Variants in EXOC4 observed in about 807,000 individuals in gnomAD.
The protein encoded by EXOC4 is exocyst complex component 4, also known as SEC8-like 1.
Under a neutral mutation model 107.2 loss-of-function variants are expected in EXOC4, and 71 were observed. That is an observed-to-expected ratio of 0.66 (90% CI 0.55 to 0.81). The LOEUF is 0.81. Among genes scored for constraint, EXOC4 ranks in the 30% least tolerant of loss-of-function variants. The pLI, the probability that EXOC4 is intolerant of heterozygous loss-of-function variation, is 0.00. For synonymous variants in EXOC4, 456 were observed against 441.2 expected, an observed-to-expected ratio of 1.03 and a Z score of -0.42; for missense variants, 1,108 against 1,189.6, an observed-to-expected ratio of 0.93 and a Z score of 1.01.
chr7:134,098,804 G>A, the EXOC4 span, among the ~76,000 whole-genome samples: 2 of 152,184 alleles, frequency 1.3e-5, no homozygotes, highest in South Asian at 4.1e-4. Context: ...ATGGGTGTGA[G>A]AAAGAGAAAA....
At chr7:133,344,846 C>T (rs1795749267) in intron 5 of EXOC4, among the ~76,000 whole-genome samples, 1 of 152,092 alleles carries the variant, frequency 6.6e-6, no homozygotes, top group South Asian at 2.1e-4. Context: ...CACATTCTAC[C>T]TTTGTTTGCA....
intron 6 of EXOC4, 128 bp from the exon 7 acceptor site, chr7:133,374,700 A>T: frequency 1.4e-6 from 1 of 710,636 alleles, no homozygotes; most frequent in Non-Finnish European, 2.2e-6. Flanking sequence ...CATCTGCTGA[A>T]ATCTAACGTT....
intron 5 of EXOC4, among the ~76,000 whole-genome samples, chr7:133,354,669 C>T (rs1374029857): frequency 1.3e-5 from 2 of 152,104 alleles, no homozygotes; most frequent in Admixed American, 6.6e-5. Flanking sequence ...AAGCAATCAG[C>T]GATCAGAGCA....
intron 10 of EXOC4, among the ~76,000 whole-genome samples, chr7:133,740,874 C>T (rs1795550200): frequency 6.6e-6 from 1 of 152,110 alleles, no homozygotes; most frequent in South Asian, 2.1e-4. Flanking sequence ...TTAACATCCT[C>T]ACATTAGAAT....
chr7:133,909,348 A>T (rs1456671045), intron 12 of EXOC4, among the ~76,000 whole-genome samples: 2 of 152,214 alleles, frequency 1.3e-5, no homozygotes, highest in African/African-American at 4.8e-5. Context: ...ATTAATAAGG[A>T]TGATGTGATT....
intron 12 of EXOC4, among the ~76,000 whole-genome samples, chr7:133,913,831 G>A (rs1585244088): frequency 6.6e-6 from 1 of 152,178 alleles, no homozygotes; most frequent in African/African-American, 2.4e-5. Flanking sequence ...TGTGCAAGAA[G>A]ATGAGACTGC....
intron 11 of EXOC4, among the ~76,000 whole-genome samples, chr7:133,837,493 T>A (rs1352156916): frequency 6.6e-6 from 1 of 152,232 alleles, no homozygotes. Context: ...AGTCATTTTG[T>A]CATCTGTGAT....
intron 11 of EXOC4, among the ~76,000 whole-genome samples, chr7:133,823,893 TTTTA>T (rs1563015078): frequency 5.4e-5 from 1 of 18,610 alleles, no homozygotes; most frequent in Non-Finnish European, 8.2e-5. Context: ...TATATATATA[TTTTA>T]TATATATATA....
intron 6 of EXOC4, among the ~76,000 whole-genome samples, chr7:133,371,783 A>G (rs1342062392): frequency 6.6e-6 from 1 of 152,204 alleles, no homozygotes; most frequent in East Asian, 1.9e-4. Flanking sequence ...TATGGTAACT[A>G]TGTTTAATGT....
intron 9 of EXOC4, among the ~76,000 whole-genome samples, chr7:133,599,728 C>T (rs1053879551): frequency 6.6e-6 from 1 of 151,972 alleles, no homozygotes; most frequent in African/African-American, 2.4e-5. Context: ...CCAGAGCATA[C>T]CTTTTATTTA....
chr7:133,748,059 C>T (rs1007239844), intron 10 of EXOC4, among the ~76,000 whole-genome samples: 1 of 152,084 alleles, frequency 6.6e-6, no homozygotes, highest in Admixed American at 6.6e-5. Context: ...TTTCTCTTCC[C>T]GGGGGCATAT....
intron 11 of EXOC4, among the ~76,000 whole-genome samples, chr7:133,822,462 G>A (rs951920347): frequency 1.3e-5 from 2 of 152,142 alleles, no homozygotes; most frequent in Admixed American, 1.3e-4. Context: ...CTATCTATGT[G>A]AACAAATGGT....
At chr7:133,686,313 G>GTTCA (rs1316114196) in intron 10 of EXOC4, among the ~76,000 whole-genome samples, 2 of 152,264 alleles carry the variant, frequency 1.3e-5, no homozygotes, top group East Asian at 1.9e-4. Context: ...CATATTTTGA[G>GTTCA]TTCAGAATTT....
chr7:133,731,371 G>A (rs1795322385), intron 10 of EXOC4, among the ~76,000 whole-genome samples: 3 of 151,786 alleles, frequency 2.0e-5, no homozygotes, highest in Admixed American at 2.0e-4. Flanking sequence ...TTTCTTTTAT[G>A]TGAGACATGC....
chr7:133,957,261 G>A (rs931943809), intron 14 of EXOC4, among the ~76,000 whole-genome samples: 9 of 152,274 alleles, frequency 5.9e-5, no homozygotes, highest in Admixed American at 1.3e-4. Flanking sequence ...TTTTAGAAAG[G>A]CAGAATAATT....
At chr7:133,678,754 G>A (rs1408187244) in intron 10 of EXOC4, among the ~76,000 whole-genome samples, 2 of 151,964 alleles carry the variant, frequency 1.3e-5, no homozygotes, top group Non-Finnish European at 2.9e-5. Flanking sequence ...GGGACCACAG[G>A]CGCATGCCTC....
intron 10 of EXOC4, among the ~76,000 whole-genome samples, chr7:133,773,161 A>G (rs1226386461): frequency 2.0e-5 from 3 of 151,768 alleles, no homozygotes; most frequent in Admixed American, 2.0e-4. Context: ...GTGATTGAAA[A>G]CCATACTATT....
intron 7 of EXOC4, among the ~76,000 whole-genome samples, chr7:133,455,289 A>G (rs1798437654): frequency 6.6e-6 from 1 of 152,166 alleles, no homozygotes; most frequent in Admixed American, 6.5e-5. Flanking sequence ...ATGCAATTAA[A>G]AACTTATTAA....
intron 4 of EXOC4, chr7:133,315,557 G>GA (rs1240822437): frequency 1.3e-5 from 2 of 152,016 alleles, no homozygotes; most frequent in Non-Finnish European, 2.9e-5. Context: ...AAAAAAATGA[G>GA]AAGACAAAAG....
Sources: gnomAD v4.1 joint callset for allele counts (sites outside exome capture counted in the v4.1 genomes callset) on GRCh38, gnomAD v4.1.1 for gene constraint, MANE v1.5 for transcripts, NCBI Gene and HGNC (gene_info 2026-07-23, HGNC 2026-07-21) for gene names.